The following PDZRN3 variants were observed in gnomAD, a reference collection of about 807,000 sequenced individuals.
The protein encoded by PDZRN3 is E3 ubiquitin-protein ligase PDZRN3.
PDZRN3 carries 38 observed loss-of-function variants against 85.7 expected under a neutral mutation model. That is an observed-to-expected ratio of 0.44 (90% CI 0.34 to 0.58). The LOEUF (loss-of-function observed/expected upper bound fraction) is 0.58. Ranked by LOEUF, PDZRN3 falls within the 20% of genes least tolerant of loss-of-function variation. The pLI is 0.01. For synonymous variants in PDZRN3, 759 were observed against 638.0 expected, an observed-to-expected ratio of 1.19 and a Z score of -2.86; for missense variants, 1,629 against 1,506.4, an observed-to-expected ratio of 1.08 and a Z score of -1.35.
chr3:73,584,580 C>G (rs989006535), intron 3 of PDZRN3, among the ~76,000 whole-genome samples: 6 of 151,444 alleles, frequency 4.0e-5, no homozygotes, highest in African/African-American at 9.7e-5. Flanking sequence ...ATAAAACTAC[C>G]TAGTTTTTTG....
chr3:73,437,006 C>T (rs1702543607), intron 3 of PDZRN3, among the ~76,000 whole-genome samples: 1 of 146,170 alleles, frequency 6.8e-6, no homozygotes, highest in Middle Eastern at 3.5e-3. Flanking sequence ...AGATGGTGCC[C>T]ACTGCACTCC....
At chr3:73,472,842 T>C (rs1277675066) in intron 3 of PDZRN3, among the ~76,000 whole-genome samples, 1 of 152,232 alleles carries the variant, frequency 6.6e-6, no homozygotes, top group Non-Finnish European at 1.5e-5. Flanking sequence ...AAGTTTAATA[T>C]GTGTGCTTGT....
chr3:73,557,652 TC>T (rs1701730166), intron 3 of PDZRN3, among the ~76,000 whole-genome samples: 3 of 152,156 alleles, frequency 2.0e-5, no homozygotes, highest in Non-Finnish European at 4.4e-5. Context: ...TTTCTGCCAT[TC>T]TGCCATTCTG....
rs187868987 is a variant in PDZRN3, at chr3:73,419,491, A to G, written c.919-15096T>C. 3.7e-4 allele frequency among the ~76,000 whole-genome samples: 57 copies of G among 152,330 alleles called. 1 individual carries two copies. The highest frequency in any genetic ancestry group is 1.3e-3 in the African/African-American group (52 of 41,578). ...AGGCAAAAATACGGATCCCCTGCAC[A>G]CGCAACGGCAGAGAACAGCCACCAG... On this transcript the variant is annotated intron_variant, in intron 3 of 9. Transcript: ENST00000263666.
intron 3 of PDZRN3, among the ~76,000 whole-genome samples, chr3:73,513,187 A>G (rs1275916755): frequency 6.6e-6 from 1 of 152,190 alleles, no homozygotes; most frequent in East Asian, 1.9e-4. Flanking sequence ...TAAATGGGAA[A>G]GTGGGTCACT....
intron 3 of PDZRN3, chr3:73,408,005 T>C (rs954189041): frequency 3.3e-6 from 2 of 609,202 alleles, no homozygotes; most frequent in Non-Finnish European, 5.9e-6. Flanking sequence ...CACACAAGAA[T>C]GTCCCCCCTG....
chr3:73,476,327 T>C lies in PDZRN3; in HGVS notation c.919-71932A>G, dbSNP rs145517356. On this transcript the variant is annotated intron_variant, in intron 3 of 9. Coordinates refer to ENST00000263666, the MANE Select transcript of PDZRN3 (RefSeq NM_015009.3). ...ACCTGGCCAGAGCAGGGAAGAGAGATAGACAGTGAAGGGAAAAGTGCTACA... is the reference window on the plus strand; with the variant it reads ...ACCTGGCCAGAGCAGGGAAGAGAGACAGACAGTGAAGGGAAAAGTGCTACA... Among the ~76,000 whole-genome samples the C allele has an allele frequency of 5.9e-3, 901 of 152,120 alleles. 12 individuals are homozygous for C. The highest frequency in any genetic ancestry group is 0.021 in the African/African-American group (856 of 41,476).
At chr3:73,474,405 A>T in intron 3 of PDZRN3, 1 of 1,065,182 alleles carries the variant, frequency 9.4e-7, no homozygotes, top group Non-Finnish European at 1.3e-6. Flanking sequence ...ATACAATCAC[A>T]TCTTATAATT....
intron 3 of PDZRN3, among the ~76,000 whole-genome samples, chr3:73,412,215 C>T (rs1701988025): frequency 6.6e-6 from 1 of 152,184 alleles, no homozygotes; most frequent in Admixed American, 6.5e-5. Context: ...TTTTTGCAAG[C>T]GTCATGCCCG....
At chr3:73,560,836 C>A (rs904158565) in intron 3 of PDZRN3, among the ~76,000 whole-genome samples, 1 of 152,148 alleles carries the variant, frequency 6.6e-6, no homozygotes, top group Non-Finnish European at 1.5e-5. Flanking sequence ...ATGCAGAAAG[C>A]CCCCTAGGCT....
intron 3 of PDZRN3, among the ~76,000 whole-genome samples, chr3:73,476,030 A>G (rs1043835451): frequency 2.0e-5 from 3 of 152,154 alleles, no homozygotes; most frequent in African/African-American, 7.2e-5. Context: ...ATGGTTTTGG[A>G]ATGTGATTTA....
chr3:73,441,622 G>A (rs962521357), intron 3 of PDZRN3, among the ~76,000 whole-genome samples: 107 of 152,194 alleles, frequency 7.0e-4, no homozygotes, highest in African/African-American at 2.6e-3. Flanking sequence ...GGGGCTCAGG[G>A]AGGCAGAGTA....
chr3:73,595,678 A>G (rs1221280379), intron 3 of PDZRN3, among the ~76,000 whole-genome samples: 1 of 152,186 alleles, frequency 6.6e-6, no homozygotes, highest in East Asian at 1.9e-4. Context: ...CTAAGCAAAG[A>G]TCACAGATTT....
At chr3:73,563,013 A>ATATATATATATATATATTTT (rs1187151191) in intron 3 of PDZRN3, among the ~76,000 whole-genome samples, 3 of 43,760 alleles carry the variant, frequency 6.9e-5, no homozygotes, top group Non-Finnish European at 1.1e-4. Context: ...ATATATATAT[A>ATATATATATATATATATTTT]TTTTTTTTTT....
intron 3 of PDZRN3, among the ~76,000 whole-genome samples, chr3:73,452,425 A>G (rs1316119835): frequency 6.6e-6 from 1 of 152,218 alleles, no homozygotes; most frequent in East Asian, 1.9e-4. Context: ...AGAGTTCTCC[A>G]AAACTGGTAT....
intron 3 of PDZRN3, among the ~76,000 whole-genome samples, chr3:73,517,140 G>A (rs1217027435): frequency 6.6e-6 from 1 of 152,178 alleles, no homozygotes; most frequent in Non-Finnish European, 1.5e-5. Flanking sequence ...GTGGCCACAT[G>A]TGGAAGGATA....
intron 1 of PDZRN3, among the ~76,000 whole-genome samples, chr3:73,610,681 CT>C (rs1333005560): frequency 6.6e-6 from 1 of 152,154 alleles, no homozygotes; most frequent in African/African-American, 2.4e-5. Flanking sequence ...ATGATAGAAA[CT>C]GCACAGTTAC....
At chr3:73,540,871 G>T (rs1483156166) in intron 3 of PDZRN3, among the ~76,000 whole-genome samples, 3 of 152,202 alleles carry the variant, frequency 2.0e-5, no homozygotes, top group African/African-American at 4.8e-5. Context: ...ACTCTAAGAA[G>T]ATATAAACAC....
At chr3:73,555,774 TTTTCTA>T (rs1420628772) in intron 3 of PDZRN3, among the ~76,000 whole-genome samples, 3 of 152,274 alleles carry the variant, frequency 2.0e-5, no homozygotes, top group Non-Finnish European at 4.4e-5. Context: ...GTAACCTTGG[TTTTCTA>T]TTTCTGAATT....
Sources: gnomAD v4.1 joint callset for allele counts (sites outside exome capture counted in the v4.1 genomes callset) on GRCh38, gnomAD v4.1.1 for gene constraint, MANE v1.5 for transcripts, NCBI Gene and HGNC (gene_info 2026-07-23, HGNC 2026-07-21) for gene names.